Variants in ATP6V0A4 observed in about 807,000 individuals in gnomAD.
ATP6V0A4 encodes the protein ATPase H+ transporting V0 subunit a4, also known as V-type proton ATPase 116 kDa subunit a 4.
A neutral mutation model predicts 107.3 loss-of-function variants in ATP6V0A4; 86 were observed. The observed-to-expected ratio is 0.80, with a 90% CI of 0.67 to 0.96. The LOEUF (loss-of-function observed/expected upper bound fraction) is 0.96, where lower values mean the gene tolerates loss of function less well. Ranked by LOEUF, ATP6V0A4 falls within the 40% of genes least tolerant of loss-of-function variation. The pLI, the probability that ATP6V0A4 is intolerant of heterozygous loss-of-function variation, is 0.00. For missense variants in ATP6V0A4, 908 were observed against 1,045.6 expected (o/e 0.87, Z 1.81); for synonymous variants, 353 against 381.4 (o/e 0.93, Z 0.87).
intron 20 of ATP6V0A4, 103 bp from the exon 21 acceptor site, chr7:138,709,898 G>A: frequency 1.2e-5 from 15 of 1,301,874 alleles, no homozygotes; most frequent in Non-Finnish European, 1.5e-5. Flanking sequence ...ATTTTAAATA[G>A]AGACAGGGTC....
intron 17 of ATP6V0A4, among the ~76,000 whole-genome samples, chr7:138,729,396 C>T (rs1804876035): frequency 6.6e-6 from 1 of 152,154 alleles, no homozygotes. Context: ...AAAGAAGTTC[C>T]TCACCATCGC....
chr7:138,735,726 C>A (rs1805282411), intron 15 of ATP6V0A4, among the ~76,000 whole-genome samples: 1 of 152,210 alleles, frequency 6.6e-6, no homozygotes, highest in Non-Finnish European at 1.5e-5. Flanking sequence ...CCTTGCTCAC[C>A]TGTTTGGACA....
intron 14 of ATP6V0A4, among the ~76,000 whole-genome samples, chr7:138,742,916 TCAC>T (rs1805706599): frequency 1.0e-5 from 1 of 96,560 alleles, no homozygotes; most frequent in African/African-American, 3.9e-5. Flanking sequence ...AAAAAAAAAA[TCAC>T]AGATATAGCT....
chr7:138,762,449 ACTATGATTTTCATTTAAATATAT>A lies in ATP6V0A4; in HGVS notation c.418-38_418-16del. 6.2e-7 allele frequency: 1 copy of A among 1,613,962 alleles called. No homozygotes were observed. Among genetic ancestry groups the A allele is most frequent in the South Asian group, 1.1e-5 (1 of 91,084 alleles). Reference sequence around the variant, plus strand: ...TTGGTTTCCGTCTGAAAGTCAAAGCACTATGATTTTCATTTAAATATATTTAGGGAAACTCAAAAGGCACCTAC... The same window carrying A: ...TTGGTTTCCGTCTGAAAGTCAAAGCATTAGGGAAACTCAAAAGGCACCTAC... On this transcript the variant is annotated splice_polypyrimidine_tract_variant and intron_variant, in intron 6 of 21. Coordinates refer to ENST00000310018, the MANE Select transcript of ATP6V0A4 (RefSeq NM_020632.3).
intron 21 of ATP6V0A4, among the ~76,000 whole-genome samples, chr7:138,707,894 T>C (rs1316806272): frequency 6.6e-6 from 1 of 151,864 alleles, no homozygotes; most frequent in Non-Finnish European, 1.5e-5. Flanking sequence ...CACTCTCTCA[T>C]GTCATTTTCC....
chr7:138,721,979 C>T lies in ATP6V0A4; in HGVS notation c.2057G>A (p.Gly686Asp), dbSNP rs765264771. The T allele has an allele frequency of 9.9e-6, 16 of 1,614,058 alleles. No individual in the cohort carries two copies. The change falls in exon 19 of 22, where the codon GGT becomes GAT. Residue 686 changes from glycine (G) to aspartate (D), a missense_variant. Gly to Asp is a moderately conservative substitution (Grantham distance 94, BLOSUM62 -1). Transcript: ENST00000310018. ...ACGGCTAGAAGGGCTGGAGCTATCA[C>T]CTTCAATGTTCTCAGTGGCATCTTC... Reference protein sequence around the residue: ...IQEDATENIEGDSSSPSSRSG... With the variant: ...IQEDATENIEDDSSSPSSRSG...
At chr7:138,763,584 T>A (rs1806937499) in intron 5 of ATP6V0A4, among the ~76,000 whole-genome samples, 1 of 151,972 alleles carries the variant, frequency 6.6e-6, no homozygotes, top group South Asian at 2.1e-4. Flanking sequence ...GCCGAGATCG[T>A]GCCACTGCAC....
At chr7:138,768,661 C>T in intron 5 of ATP6V0A4, 119 bp downstream of exon 5, 4 of 1,243,098 alleles carry the variant, frequency 3.2e-6, no homozygotes, top group Non-Finnish European at 4.5e-6. Flanking sequence ...ACCATGCAGG[C>T]CTGCCTCCCT....
Position 138,749,163 on chromosome 7 carries a change from T to G in ATP6V0A4, c.1180+4A>C, listed in dbSNP as rs757404437. ...CCCAGTCGTGCAGTTCATCAGATCT[T>G]TACCTGGGTTTATCTCCCGGTAGCT... On this transcript the variant is annotated splice_donor_region_variant and intron_variant, in intron 12 of 21. Coordinates refer to ENST00000310018, the MANE Select transcript of ATP6V0A4 (RefSeq NM_020632.3). 5 of 1,613,906 alleles carry G rather than the reference T, an allele frequency of 3.1e-6. No homozygotes were observed. The African/African-American group carries it at 6.7e-5, about 22-fold the overall frequency.
intron 17 of ATP6V0A4, among the ~76,000 whole-genome samples, 168 bp downstream of exon 17, chr7:138,732,709 G>C (rs997328514): frequency 6.6e-6 from 1 of 151,322 alleles, no homozygotes; most frequent in Non-Finnish European, 1.5e-5. Context: ...CAGGAAAATC[G>C]TTTTAACCCA....
intron 16 of ATP6V0A4, 105 bp downstream of exon 16, chr7:138,734,031 A>T (rs1805173392): frequency 7.5e-7 from 1 of 1,341,530 alleles, no homozygotes; most frequent in Non-Finnish European, 1.1e-6. Flanking sequence ...CCTCATAGGA[A>T]GAAAACTTGC....
At chr7:138,768,561 A>G (rs1368240357) in intron 5 of ATP6V0A4, among the ~76,000 whole-genome samples, 3 of 152,186 alleles carry the variant, frequency 2.0e-5, no homozygotes, top group Non-Finnish European at 4.4e-5. Context: ...TATGCTGAGA[A>G]AGGAAAACAG....
At chr7:138,718,049 G>GC in intron 19 of ATP6V0A4, among the ~76,000 whole-genome samples, 1 of 147,274 alleles carries the variant, frequency 6.8e-6, no homozygotes, top group African/African-American at 2.5e-5. Flanking sequence ...AAGGAGTGGG[G>GC]GGGTACAGTC....
At chr7:138,729,154 C>T (rs183301366) in intron 17 of ATP6V0A4, among the ~76,000 whole-genome samples, 5 of 152,256 alleles carry the variant, frequency 3.3e-5, no homozygotes, top group East Asian at 1.9e-4. Context: ...ACAAGAAGTA[C>T]GCATGAAACA....
Position 138,752,742 on chromosome 7 carries a change from A to G in ATP6V0A4, c.912T>C (p.Ala304=), listed in dbSNP as rs1352973892. The G allele has an allele frequency of 3.7e-6, 6 of 1,614,160 alleles. No homozygotes were observed. The highest frequency in any genetic ancestry group is 3.4e-6 in the Non-Finnish European group (4 of 1,180,026). The stretch of plus-strand genomic sequence containing the variant: ...TGCACATGTTCAGGATGTGGTAGAC[A>G]GCTTTCATCTTCTGCACCTTGATGA... The part of the protein sequence containing the change: ...SWLIKVQKMK[A]VYHILNMCNI... The change falls in exon 11 of 22, where the codon GCT becomes GCC. Residue 304 remains alanine, a synonymous_variant. Coordinates refer to ENST00000310018, the MANE Select transcript of ATP6V0A4 (RefSeq NM_020632.3).
intron 2 of ATP6V0A4, among the ~76,000 whole-genome samples, chr7:138,778,670 C>T (rs752679929): frequency 1.3e-4 from 20 of 152,094 alleles, no homozygotes; most frequent in African/African-American, 3.1e-4. Context: ...AATAATCACG[C>T]GAATCCAGTT....
intron 10 of ATP6V0A4, among the ~76,000 whole-genome samples, chr7:138,754,548 A>C (rs961008054): frequency 3.9e-5 from 6 of 152,138 alleles, no homozygotes; most frequent in African/African-American, 1.2e-4. Context: ...ATTTCTTAAC[A>C]TACTTGTCCA....
Position 138,718,043 on chromosome 7 carries a change from AGTGGGGGGGT to A in ATP6V0A4, c.2140-2172_2140-2163del, listed in dbSNP as rs1584892696. On this transcript the variant is annotated intron_variant, in intron 19 of 21. Transcript: ENST00000310018. The stretch of plus-strand genomic sequence containing the variant: ...CTGCGGAGGGAGACGTCCAGGAAGG[AGTGGGGGGGT>A]ACAGTCACGGGTGTCTGTGGAGGGA... 1.9e-3 allele frequency among the ~76,000 whole-genome samples: 164 copies of A among 84,300 alleles called. 18 individuals carry two copies. Among genetic ancestry groups the A allele is most frequent in the East Asian group, 2.4e-3 (6 of 2,524 alleles). 55.3% of individuals were successfully genotyped at this position (84,300 alleles called of 152,430 possible).
intron 17 of ATP6V0A4, among the ~76,000 whole-genome samples, chr7:138,731,513 A>G (rs1329870098): frequency 6.6e-6 from 1 of 152,184 alleles, no homozygotes; most frequent in East Asian, 1.9e-4. Context: ...GCCAGGGGGA[A>G]AAAGCTACTG....
Sources: gnomAD v4.1 joint callset for allele counts (sites outside exome capture counted in the v4.1 genomes callset) on GRCh38, gnomAD v4.1.1 for gene constraint, MANE v1.5 for transcripts, NCBI Gene and HGNC (gene_info 2026-07-23, HGNC 2026-07-21) for gene names.